KLHL1: variants seen among roughly 807,000 people sequenced by gnomAD.
KLHL1 encodes kelch like family member 1, also known as kelch-like protein 1.
A neutral mutation model predicts 77.7 loss-of-function variants in KLHL1; 47 were observed. The observed-to-expected ratio is 0.60, with a 90% CI of 0.48 to 0.77. KLHL1 has a LOEUF of 0.77. KLHL1 is among the 30% of genes least tolerant of loss of function. The pLI is 0.00. For missense variants in KLHL1, 925 were observed against 910.8 expected, an observed-to-expected ratio of 1.02 and a Z score of -0.20; for synonymous variants, 360 against 325.2, an observed-to-expected ratio of 1.11 and a Z score of -1.15.
chr13:69,859,482 C>T (rs115569839), intron 5 of KLHL1, among the ~76,000 whole-genome samples: 1,910 of 152,078 alleles, frequency 0.013, 42 homozygotes, highest in African/African-American at 0.044. Context: ...GTAGGGCAGA[C>T]GCTGTGACAG....
Position 69,890,667 on chromosome 13 carries a change from G to C in KLHL1, c.1015-8172C>G, listed in dbSNP as rs571100106. Among the ~76,000 whole-genome samples, 938 of 148,058 alleles carry C rather than the reference G, an allele frequency of 6.3e-3. 12 individuals carry two copies. The highest frequency in any genetic ancestry group is 0.022 in the African/African-American group (880 of 39,642). On this transcript the variant is annotated intron_variant, in intron 4 of 10. Transcript: ENST00000377844. ...ACACGCACACACACACACACACACA[G>C]ATATATGTATCTCCTTGTAAAGGCT...
At chr13:69,932,499 C>A (rs930182987) in intron 4 of KLHL1, among the ~76,000 whole-genome samples, 1 of 151,794 alleles carries the variant, frequency 6.6e-6, no homozygotes, top group Admixed American at 6.6e-5. Flanking sequence ...TGATTGAAAT[C>A]ATTAAATATT....
chr13:70,076,210 T>A lies in KLHL1; in HGVS notation c.497+30993A>T, dbSNP rs146509589. Among the ~76,000 whole-genome samples, 576 of 151,948 alleles carry A rather than the reference T, an allele frequency of 3.8e-3. 7 individuals are homozygous for A. The highest frequency in any genetic ancestry group is 0.013 in the African/African-American group (540 of 41,404). On this transcript the variant is annotated intron_variant, in intron 1 of 10. Transcript: ENST00000377844. ...TTAAGAAAAAGGTAAAGTCGGAGGA[T>A]TGACACTACACAACTTCCAGACTTA...
intron 1 of KLHL1, among the ~76,000 whole-genome samples, chr13:70,065,197 T>C (rs1284401937): frequency 1.3e-5 from 2 of 152,158 alleles, no homozygotes; most frequent in African/African-American, 4.8e-5. Flanking sequence ...GAAAAAAATA[T>C]TTTAACTATG....
Position 69,847,807 on chromosome 13 carries a change from GAATA to G in KLHL1, c.1228-8649_1228-8646del, listed in dbSNP as rs555220096. ...CCTATTAGAAGTGACAGTCCTTAGA[GAATA>G]AATGACAGTTTCATAGCTTGCCTTT... On this transcript the variant is annotated intron_variant, in intron 5 of 10. Transcript: ENST00000377844. 9.6e-4 allele frequency among the ~76,000 whole-genome samples: 145 copies of G among 151,504 alleles called. 2 individuals carry two copies. The highest frequency in any genetic ancestry group is 3.4e-3 in the African/African-American group (139 of 41,472).
At chr13:70,007,147 T>C (rs530348786) in intron 1 of KLHL1, among the ~76,000 whole-genome samples, 6 of 152,102 alleles carry the variant, frequency 3.9e-5, no homozygotes, top group Admixed American at 3.3e-4. Context: ...TGAGAACTTA[T>C]CAACAAACCG....
chr13:70,009,709 C>A (rs1885485824), intron 1 of KLHL1, among the ~76,000 whole-genome samples: 1 of 152,118 alleles, frequency 6.6e-6, no homozygotes, highest in Non-Finnish European at 1.5e-5. Flanking sequence ...TAATGTGGAA[C>A]TAATAGGTAT....
At chr13:69,796,327 C>T (rs1877106221) in intron 7 of KLHL1, among the ~76,000 whole-genome samples, 1 of 152,072 alleles carries the variant, frequency 6.6e-6, no homozygotes, top group African/African-American at 2.4e-5. Context: ...AGAGGTGGGG[C>T]CTACTGGGAG....
Position 69,882,394 on chromosome 13 carries a change from T to C in KLHL1, c.1116A>G (p.Glu372=). The change falls in exon 5 of 11, where the codon GAA becomes GAG. Residue 372 remains glutamate, a synonymous_variant. Coordinates refer to ENST00000377844, the MANE Select transcript of KLHL1 (RefSeq NM_020866.3). ...LASDDVNVPD[E]ETIFHALMMW... is the part of the protein sequence containing the mutation. ...TCATCAATGCATGGAAGATGGTTTC[T>C]TCATCAGGAACATTGACATCATCAC... The C allele has an allele frequency of 1.2e-6, 2 of 1,613,728 alleles. No individual in the cohort carries two copies. Among genetic ancestry groups the C allele is most frequent in the Non-Finnish European group, 1.7e-6 (2 of 1,179,632 alleles).
intron 7 of KLHL1, among the ~76,000 whole-genome samples, chr13:69,791,449 T>C (rs960150582): frequency 6.6e-6 from 1 of 151,970 alleles, no homozygotes; most frequent in African/African-American, 2.4e-5. Flanking sequence ...TAAAAAAATA[T>C]GGAAATACAA....
chr13:69,701,807 A>G (rs758280102), intron 10 of KLHL1, 46 bp from the exon 11 acceptor site: 2 of 1,348,142 alleles, frequency 1.5e-6, no homozygotes, highest in African/African-American at 3.0e-5. Flanking sequence ...TTTCATAGAA[A>G]AATATAAAAC....
chr13:70,044,250 T>C (rs1394842109), intron 1 of KLHL1, among the ~76,000 whole-genome samples: 1 of 152,216 alleles, frequency 6.6e-6, no homozygotes, highest in African/African-American at 2.4e-5. Context: ...CACTTGCTCT[T>C]CACTCTCTTA....
rs71116972 is a variant in KLHL1, at chr13:70,001,657, TTATCTATCTATC to T, written c.498-25867_498-25856del. On this transcript the variant is annotated intron_variant, in intron 1 of 10. Transcript: ENST00000377844. ...ACTGAAACATTGGGATATCTATCTA[TTATCTATCTATC>T]TATCTATCTATCTATCTATCTATCT... Among the ~76,000 whole-genome samples the T allele has an allele frequency of 8.0e-3, 1,170 of 145,376 alleles. 8 individuals are homozygous for T. Among genetic ancestry groups the T allele is most frequent in the Middle Eastern group, 0.025 (5 of 204 alleles).
chr13:69,962,765 T>C (rs80052340), intron 2 of KLHL1, among the ~76,000 whole-genome samples: 4,222 of 121,094 alleles, frequency 0.035, 309 homozygotes, highest in East Asian at 0.28. Flanking sequence ...CCTGATCTGA[T>C]TTTTAATCAA....
rs2482564 is a variant in KLHL1, at chr13:69,929,199, G to A, written c.1014+10841C>T. On this transcript the variant is annotated intron_variant, in intron 4 of 10. Coordinates refer to ENST00000377844, the MANE Select transcript of KLHL1 (RefSeq NM_020866.3). ...CAAACTTCATTGCTTCACAGTTAATGATAAACACATCAAGTGAGCTACTCA... is the reference window on the plus strand; with the variant it reads ...CAAACTTCATTGCTTCACAGTTAATAATAAACACATCAAGTGAGCTACTCA... 6.5e-3 allele frequency among the ~76,000 whole-genome samples: 982 copies of A among 152,054 alleles called. 16 individuals are homozygous for A. The highest frequency in any genetic ancestry group is 0.023 in the African/African-American group (937 of 41,496).
chr13:69,986,021 G>A (rs547937453), intron 1 of KLHL1, among the ~76,000 whole-genome samples: 1 of 150,812 alleles, frequency 6.6e-6, no homozygotes, highest in East Asian at 1.9e-4. Flanking sequence ...GTATTCCATT[G>A]TGTGGAATAC....
chr13:69,796,819 A>G lies in KLHL1; in HGVS notation c.1558T>C (p.Leu520=), dbSNP rs772972080. ...VIGGRDGLKT[L]NTVECYNPKT... is the part of the protein sequence containing the mutation. ...GGATTGTAACATTCAACAGTGTTCA[A>G]TGTCTTTAAGCCATCTCGACCTCCA... Residue 520 remains leucine, a synonymous_variant, in exon 7 of 11, where the codon TTG becomes CTG. Coordinates refer to ENST00000377844, the MANE Select transcript of KLHL1 (RefSeq NM_020866.3). 1 of 1,614,160 alleles carries G rather than the reference A, an allele frequency of 6.2e-7. No homozygotes were observed.
intron 6 of KLHL1, among the ~76,000 whole-genome samples, chr13:69,821,714 T>A (rs1242790937): frequency 1.3e-5 from 2 of 152,198 alleles, no homozygotes; most frequent in African/African-American, 4.8e-5. Flanking sequence ...CAAAGTGGCC[T>A]TCCGCTGTAC....
chr13:70,107,392 A>G lies in KLHL1; in HGVS notation c.308T>C (p.Leu103Pro). The change falls in exon 1 of 11, where the codon CTG becomes CCG. Residue 103 changes from leucine to proline, a missense_variant. Physicochemically the swap from Leu to Pro is moderately conservative, Grantham distance 98. Coordinates refer to ENST00000377844, the MANE Select transcript of KLHL1 (RefSeq NM_020866.3). ...NGTLLPVATRLQQGAPGQGTQ... is the reference protein window; with the variant it reads ...NGTLLPVATRPQQGAPGQGTQ... ...GCCCTGCCCAGGAGCCCCTTGCTGC[A>G]GCCTCGTGGCAACTGGAAGCAGGGT... is the stretch of plus-strand genomic sequence containing the variant. The G allele has an allele frequency of 1.2e-6, 2 of 1,613,954 alleles. No individual in the cohort carries two copies. The highest frequency in any genetic ancestry group is 1.7e-6 in the Non-Finnish European group (2 of 1,180,026).
Sources: allele counts gnomAD v4.1 joint callset (sites outside exome capture counted in the v4.1 genomes callset), GRCh38; gene constraint gnomAD v4.1.1; transcripts MANE v1.5; gene names NCBI Gene and HGNC (gene_info 2026-07-23, HGNC 2026-07-21).